SRBD1: variants seen among roughly 807,000 people sequenced by gnomAD.
The protein encoded by SRBD1 is S1 RNA-binding domain-containing protein 1.
A neutral mutation model predicts 115.3 loss-of-function variants in SRBD1; 88 were observed. The ratio of observed to expected loss-of-function variants is 0.76; its 90% CI spans 0.64 to 0.91. The LOEUF is 0.91. Among genes scored for constraint, SRBD1 ranks in the 40% least tolerant of loss-of-function variants. SRBD1 has a pLI of 0.00. For missense variants in SRBD1, 1,385 were observed against 1,177.4 expected, an observed-to-expected ratio of 1.18 and a Z score of -2.58; for synonymous variants, 509 against 407.7, an observed-to-expected ratio of 1.25 and a Z score of -2.99.
chr2:45,459,942 T>A (rs1487831775), intron 16 of SRBD1, among the ~76,000 whole-genome samples: 1 of 152,080 alleles, frequency 6.6e-6, no homozygotes. Flanking sequence ...TCAGGGAAAT[T>A]TTCACTAAAC....
intron 16 of SRBD1, among the ~76,000 whole-genome samples, chr2:45,431,333 C>A (rs1026258482): frequency 6.6e-6 from 1 of 152,168 alleles, no homozygotes; most frequent in African/African-American, 2.4e-5. Flanking sequence ...AAGACACATG[C>A]ACACGTATGT....
chr2:45,513,827 C>T (rs1050688498), intron 14 of SRBD1, among the ~76,000 whole-genome samples: 3 of 151,910 alleles, frequency 2.0e-5, no homozygotes, highest in Admixed American at 6.6e-5. Flanking sequence ...TCTCCTCAAC[C>T]AAAGATAAAA....
intron 16 of SRBD1, among the ~76,000 whole-genome samples, chr2:45,462,059 A>C (rs1669333310): frequency 6.6e-6 from 1 of 152,234 alleles, no homozygotes; most frequent in South Asian, 2.1e-4. Context: ...CAGGAAAAAA[A>C]AAGGAATCAT....
intron 19 of SRBD1, among the ~76,000 whole-genome samples, chr2:45,409,736 T>G (rs2103850122): frequency 6.6e-6 from 1 of 152,192 alleles, no homozygotes; most frequent in African/African-American, 2.4e-5. Flanking sequence ...AACAAACAAG[T>G]AGCAGCAAAT....
intron 19 of SRBD1, among the ~76,000 whole-genome samples, chr2:45,411,906 T>C (rs770227392): frequency 9.9e-5 from 15 of 151,796 alleles, no homozygotes; most frequent in Admixed American, 5.9e-4. Context: ...AGTCCAGGAG[T>C]TTGAAACCAG....
At position 45,426,902 on chromosome 2, in the gene SRBD1, C is replaced by A. The variant is rs527662884; in HGVS notation, c.2050-7008G>T. 3.8e-4 allele frequency among the ~76,000 whole-genome samples: 58 copies of A among 152,262 alleles called. 1 individual carries two copies. In the South Asian group the frequency reaches 0.012, roughly 31 times the overall value. ...CCACAAAGATGAGGAAAAACCAGCA[C>A]AAAAAGGCTGAAAATTCCAAAAACC... On this transcript the variant is annotated intron_variant, in intron 16 of 20. Coordinates refer to ENST00000263736, the MANE Select transcript of SRBD1 (RefSeq NM_018079.5).
At chr2:45,563,310 C>G (rs1163865532) in intron 9 of SRBD1, among the ~76,000 whole-genome samples, 1 of 151,870 alleles carries the variant, frequency 6.6e-6, no homozygotes, top group Non-Finnish European at 1.5e-5. Context: ...AATCACAAAG[C>G]TAGCAAGTAG....
intron 17 of SRBD1, among the ~76,000 whole-genome samples, chr2:45,419,199 G>A (rs548758248): frequency 6.6e-6 from 1 of 152,310 alleles, no homozygotes; most frequent in African/African-American, 2.4e-5. Flanking sequence ...TGCTATACCT[G>A]TTTCAGTGAA....
chr2:45,483,193 G>A (rs1316550456), intron 15 of SRBD1, among the ~76,000 whole-genome samples: 1 of 151,990 alleles, frequency 6.6e-6, no homozygotes, highest in Non-Finnish European at 1.5e-5. Flanking sequence ...AGAACATAAA[G>A]TACACATAGG....
chr2:45,584,591 C>T (rs1002948179), intron 5 of SRBD1, among the ~76,000 whole-genome samples: 1 of 152,150 alleles, frequency 6.6e-6, no homozygotes. Flanking sequence ...GAATGATAAT[C>T]CAATTTTAAT....
intron 2 of SRBD1, 144 bp downstream of exon 2, chr2:45,605,218 G>C (rs572111868): frequency 6.6e-5 from 44 of 666,702 alleles, no homozygotes; most frequent in Non-Finnish European, 9.5e-5. Flanking sequence ...CACAGCATGA[G>C]TTCAACAAAT....
chr2:45,443,720 G>A (rs1240478057), intron 16 of SRBD1, among the ~76,000 whole-genome samples: 1 of 148,562 alleles, frequency 6.7e-6, no homozygotes, highest in Non-Finnish European at 1.5e-5. Context: ...GTGGAAATGT[G>A]TATACTGTAA....
In SRBD1 at chr2:45,472,940, C is replaced by A. The variant is rs372416653; in HGVS notation, c.2049+4053G>T. Among the ~76,000 whole-genome samples the A allele has an allele frequency of 2.9e-4, 41 of 143,176 alleles. 1 individual carries two copies. The East Asian group carries it at 5.2e-3, about 18-fold the overall frequency. The allele number at this position is 143,176 out of a possible 152,430, so 93.9% of individuals were successfully genotyped here. ...TTATGTGGAATATTTTAATCCAAATCTTTAATATCAAGGTTGTTTTTTTTT... is the reference window on the plus strand; with the variant it reads ...TTATGTGGAATATTTTAATCCAAATATTTAATATCAAGGTTGTTTTTTTTT... On this transcript the variant is annotated intron_variant, in intron 16 of 20. Coordinates refer to ENST00000263736, the MANE Select transcript of SRBD1 (RefSeq NM_018079.5).
chr2:45,504,726 G>A lies in SRBD1; in HGVS notation c.1875-16395C>T, dbSNP rs901455662. Among the ~76,000 whole-genome samples, 2 of 152,012 alleles carry A rather than the reference G, an allele frequency of 1.3e-5. 1 individual carries two copies. Among genetic ancestry groups the A allele is most frequent in the African/African-American group, 4.8e-5 (2 of 41,394 alleles). ...TTACTAATCAGTCCTCTAGACTTAG[G>A]ACATTTAGATGGCTCGAGGGGGAAA... On this transcript the variant is annotated intron_variant, in intron 14 of 20. Transcript: ENST00000263736.
chr2:45,487,196 G>A (rs866461975), intron 15 of SRBD1, among the ~76,000 whole-genome samples: 3 of 152,142 alleles, frequency 2.0e-5, no homozygotes, highest in Admixed American at 6.5e-5. Flanking sequence ...AAGAACAGCC[G>A]ATGAAATCTG....
chr2:45,553,608 A>G lies in SRBD1; in HGVS notation c.1517+15T>C. 1 of 1,529,334 alleles carries G rather than the reference A, an allele frequency of 6.5e-7. No homozygotes were observed. Among genetic ancestry groups the G allele is most frequent in the Non-Finnish European group, 8.8e-7 (1 of 1,132,006 alleles). The allele number at this position is 1,529,334 out of a possible 1,614,324, so 94.7% of individuals were successfully genotyped here. A position where few individuals can be genotyped will look rare whatever the true frequency, so the allele number is the denominator to read the frequency against. Reference sequence around the variant, plus strand: ...AATAATCAGTACACAAAATTAAACAAGACAAGATATATACCTGAATTCTCT... The same window carrying G: ...AATAATCAGTACACAAAATTAAACAGGACAAGATATATACCTGAATTCTCT... On this transcript the variant is annotated intron_variant, in intron 11 of 20. Transcript: ENST00000263736.
intron 20 of SRBD1, among the ~76,000 whole-genome samples, chr2:45,391,088 G>A (rs748482800): frequency 6.6e-6 from 1 of 152,128 alleles, no homozygotes; most frequent in Non-Finnish European, 1.5e-5. Flanking sequence ...CTCTTTTCTT[G>A]GGGAGGTCCA....
intron 10 of SRBD1, among the ~76,000 whole-genome samples, chr2:45,560,748 A>T (rs1171398285): frequency 6.6e-6 from 1 of 152,156 alleles, no homozygotes; most frequent in Non-Finnish European, 1.5e-5. Context: ...TTTTAGGCAT[A>T]CATTTCCTCT....
intron 18 of SRBD1, among the ~76,000 whole-genome samples, chr2:45,414,982 GTA>G (rs1491225536): frequency 8.3e-6 from 1 of 119,908 alleles, no homozygotes; most frequent in East Asian, 2.3e-4. Flanking sequence ...TATATAGTAT[GTA>G]TATACACACA....
Sources: allele counts gnomAD v4.1 joint callset (sites outside exome capture counted in the v4.1 genomes callset), GRCh38; gene constraint gnomAD v4.1.1; transcripts MANE v1.5; gene names NCBI Gene and HGNC (gene_info 2026-07-23, HGNC 2026-07-21).